EMC2: variants seen among roughly 807,000 people sequenced by gnomAD.
EMC2 encodes TPR repeat protein 35.
Under a neutral mutation model 51.6 loss-of-function variants are expected in EMC2, and 37 were observed. That is an observed-to-expected ratio of 0.72 (90% CI 0.55 to 0.94). EMC2 has a LOEUF of 0.94. Ranked by LOEUF, EMC2 falls within the 40% of genes least tolerant of loss-of-function variation. The pLI is 0.00. For synonymous variants in EMC2, 131 were observed against 112.4 expected, an observed-to-expected ratio of 1.17 and a Z score of -1.04; for missense variants, 359 against 350.9, an observed-to-expected ratio of 1.02 and a Z score of -0.18.
intron 4 of EMC2, among the ~76,000 whole-genome samples, chr8:108,454,747 C>G (rs1819111991): frequency 1.3e-5 from 2 of 151,966 alleles, no homozygotes; most frequent in Admixed American, 6.6e-5. Flanking sequence ...CAGCTTTTAA[C>G]ATTTCTTGAA....
Position 108,486,797 on chromosome 8 carries a change from G to A in EMC2, c.*199G>A, listed in dbSNP as rs1018063780. The A allele has an allele frequency of 2.6e-5, 12 of 457,126 alleles. No homozygotes were observed. The highest frequency in any genetic ancestry group is 1.6e-4 in the Admixed American group (4 of 24,762). The allele number at this position is 457,126 out of a possible 1,614,324, so 28.3% of individuals were successfully genotyped here. A position where few individuals can be genotyped will look rare whatever the true frequency, so the allele number is the denominator to read the frequency against. On this transcript the variant is annotated 3_prime_UTR_variant, in exon 11 of 11. Coordinates refer to ENST00000220853, the MANE Select transcript of EMC2 (RefSeq NM_014673.5). ...GGGGAGATGGGGGAAATCCATGGAA[G>A]AGAGATTTAAGACTTATTGATTGTA...
chr8:108,466,626 A>C (rs1819474923), intron 5 of EMC2, among the ~76,000 whole-genome samples: 1 of 151,852 alleles, frequency 6.6e-6, no homozygotes, highest in African/African-American at 2.4e-5. Flanking sequence ...TAATCTTTTA[A>C]AATTTTTCGT....
chr8:108,444,020 G>T (rs1468025303), intron 1 of EMC2, among the ~76,000 whole-genome samples: 1 of 152,342 alleles, frequency 6.6e-6, no homozygotes, highest in Non-Finnish European at 1.5e-5. Flanking sequence ...GTTGCTGGGC[G>T]GTGCGGAAGA....
At chr8:108,459,732 G>A (rs1188542299) in intron 5 of EMC2, among the ~76,000 whole-genome samples, 1 of 151,806 alleles carries the variant, frequency 6.6e-6, no homozygotes, top group Admixed American at 6.6e-5. Context: ...GTGTGTGTGT[G>A]TGTGTGTGTG....
chr8:108,476,211 T>C (rs1410901189), intron 8 of EMC2, among the ~76,000 whole-genome samples: 1 of 151,880 alleles, frequency 6.6e-6, no homozygotes, highest in East Asian at 1.9e-4. Flanking sequence ...TTCCTAATTA[T>C]AAGTTATATC....
chr8:108,444,315 C>A (rs2130317652), intron 1 of EMC2, among the ~76,000 whole-genome samples: 1 of 152,286 alleles, frequency 6.6e-6, no homozygotes, highest in African/African-American at 2.4e-5. Context: ...AGTTTCTTTT[C>A]TGAAGGGAAA....
chr8:108,470,291 G>A (rs1464149910), intron 7 of EMC2, among the ~76,000 whole-genome samples, 170 bp downstream of exon 7: 1 of 152,084 alleles, frequency 6.6e-6, no homozygotes, highest in Non-Finnish European at 1.5e-5. Context: ...GTAATTCACT[G>A]GTCATAATAA....
chr8:108,447,183 G>C (rs1266377473), intron 1 of EMC2, among the ~76,000 whole-genome samples: 1 of 151,934 alleles, frequency 6.6e-6, no homozygotes, highest in Non-Finnish European at 1.5e-5. Flanking sequence ...CTTCCATTCT[G>C]TTCATTTTGT....
At chr8:108,449,332 G>A (rs1818960364) in intron 1 of EMC2, among the ~76,000 whole-genome samples, 2 of 151,550 alleles carry the variant, frequency 1.3e-5, no homozygotes, top group South Asian at 4.2e-4. Context: ...GGAGTGCAGT[G>A]GCACGATCTC....
intron 7 of EMC2, 34 bp downstream of exon 7, chr8:108,470,155 G>A (rs369735522): frequency 1.4e-6 from 2 of 1,472,808 alleles, no homozygotes; most frequent in Non-Finnish European, 1.9e-6. Flanking sequence ...TTTGTTGAGT[G>A]CAGTTTTCAT....
intron 5 of EMC2, among the ~76,000 whole-genome samples, chr8:108,462,740 T>C (rs1267614600): frequency 1.3e-5 from 1 of 77,226 alleles, no homozygotes; most frequent in Non-Finnish European, 2.4e-5. Context: ...TCTTTTAATA[T>C]TGTTTTTTTT....
intron 10 of EMC2, among the ~76,000 whole-genome samples, chr8:108,484,229 T>TA (rs1441100677): frequency 2.0e-5 from 3 of 152,136 alleles, no homozygotes; most frequent in African/African-American, 7.2e-5. Flanking sequence ...GTGATTCTGT[T>TA]ACTATCCTTT....
At chr8:108,468,667 C>T (rs1233968432) in intron 5 of EMC2, among the ~76,000 whole-genome samples, 1 of 152,122 alleles carries the variant, frequency 6.6e-6, no homozygotes, top group African/African-American at 2.4e-5. Context: ...AGACCACATC[C>T]ATTTTACTTC....
At position 108,448,726 on chromosome 8, in the gene EMC2, A is replaced by G. The variant is rs376261089; in HGVS notation, c.41-1097A>G. ...ATCAGCAGTGGGAAAACGGACTAAT[A>G]CAACCAGTTTCTTTTCTTTGAACTG... On this transcript the variant is annotated intron_variant, in intron 1 of 10. Transcript: ENST00000220853. Among the ~76,000 whole-genome samples, 77 of 152,298 alleles carry G rather than the reference A, an allele frequency of 5.1e-4. 2 individuals carry two copies. The East Asian group carries it at 7.1e-3, about 14-fold the overall frequency.
At position 108,455,911 on chromosome 8, in the gene EMC2, A is replaced by G. The variant is rs1819141167; in HGVS notation, c.344A>G (p.Gln115Arg). Residue 115 changes from glutamine to arginine, a missense_variant, in exon 5 of 11, where the codon CAA becomes CGA. Physicochemically the swap from Gln to Arg is conservative, Grantham distance 43. Transcript: ENST00000220853. ...ATACAGCTATATGATAGGATTTTAC[A>G]AGAAGATCCAACTAACACTGTAAGT... ...DAIQLYDRIL[Q>R]EDPTNTAARK... The G allele has an allele frequency of 1.4e-6, 2 of 1,383,498 alleles. No individual in the cohort carries two copies. The highest frequency in any genetic ancestry group is 2.0e-6 in the Non-Finnish European group (2 of 1,017,508). The allele number at this position is 1,383,498 out of a possible 1,614,324, so 85.7% of individuals were successfully genotyped here. A position where few individuals can be genotyped will look rare whatever the true frequency, so the allele number is the denominator to read the frequency against.
At chr8:108,447,106 T>G (rs1293348521) in intron 1 of EMC2, among the ~76,000 whole-genome samples, 1 of 152,210 alleles carries the variant, frequency 6.6e-6, no homozygotes, top group African/African-American at 2.4e-5. Context: ...TACCTATACA[T>G]GAATCTTTGA....
At chr8:108,473,956 A>T (rs1229960511) in intron 7 of EMC2, 1 of 152,014 alleles carries the variant, frequency 6.6e-6, no homozygotes, top group East Asian at 1.9e-4. Flanking sequence ...TATCCCTGAC[A>T]AGACTGAGGA....
chr8:108,469,645 G>C (rs1810811364), intron 5 of EMC2, among the ~76,000 whole-genome samples, 181 bp from the exon 6 acceptor site: 2 of 152,200 alleles, frequency 1.3e-5, no homozygotes, highest in African/African-American at 4.8e-5. Context: ...GTGATTGTTA[G>C]AGGAATGTTT....
At chr8:108,452,477 G>A (rs1407121771) in intron 3 of EMC2, among the ~76,000 whole-genome samples, 1 of 152,150 alleles carries the variant, frequency 6.6e-6, no homozygotes, top group Non-Finnish European at 1.5e-5. Context: ...CGAGGCAGGA[G>A]AATCGCTTGA....
Sources: allele counts gnomAD v4.1 joint callset (sites outside exome capture counted in the v4.1 genomes callset), GRCh38; gene constraint gnomAD v4.1.1; transcripts MANE v1.5; gene names NCBI Gene and HGNC (gene_info 2026-07-23, HGNC 2026-07-21).